Variants in NECAB2 observed in about 807,000 individuals in gnomAD.
The protein encoded by NECAB2 is N-terminal EF-hand calcium binding protein 2, also known as N-terminal EF-hand calcium-binding protein 2.
A neutral mutation model predicts 51.9 loss-of-function variants in NECAB2; 68 were observed. The observed-to-expected ratio is 1.31, with a 90% CI of 1.08 to 1.60. The LOEUF is 1.60. Ranked by LOEUF, NECAB2 falls within the 40% of genes most tolerant of loss-of-function variation. NECAB2 has a pLI of 0.00. For synonymous variants in NECAB2, 329 were observed against 203.5 expected (o/e 1.62, Z -5.25); for missense variants, 854 against 490.3 (o/e 1.74, Z -7.00).
At chr16:83,983,788 T>C (rs1007713818) in intron 5 of NECAB2, among the ~76,000 whole-genome samples, 1 of 152,156 alleles carries the variant, frequency 6.6e-6, no homozygotes, top group African/African-American at 2.4e-5. Flanking sequence ...GGAATGATTT[T>C]GTGAAGTGGT....
upstream of NECAB2, chr16:83,966,396 G>A (rs970504487): frequency 4.4e-6 from 1 of 229,116 alleles, no homozygotes; most frequent in Non-Finnish European, 8.5e-6. Flanking sequence ...GCACTGGGCT[G>A]GGGGGAAGGG....
chr16:83,973,917 G>T (rs890081101), intron 2 of NECAB2, among the ~76,000 whole-genome samples: 50 of 152,108 alleles, frequency 3.3e-4, no homozygotes, highest in African/African-American at 1.1e-3. Flanking sequence ...GGCTTCCTGA[G>T]TGTGCAGCTC....
At chr16:83,990,701 G>A (rs1468542897) in intron 6 of NECAB2, 71 bp downstream of exon 6, 1 of 1,576,226 alleles carries the variant, frequency 6.3e-7, no homozygotes, top group Non-Finnish European at 8.6e-7. Flanking sequence ...CCTGCTGCTT[G>A]GTGGGGATGT....
At chr16:84,001,518 G>C (rs2084835339) in intron 11 of NECAB2, among the ~76,000 whole-genome samples, 1 of 152,142 alleles carries the variant, frequency 6.6e-6, no homozygotes, top group South Asian at 2.1e-4. Context: ...GTGTTGTCAT[G>C]GGTCCCAGGC....
chr16:83,972,059 G>A, intron 1 of NECAB2, 92 bp from the exon 2 acceptor site: 2 of 1,559,156 alleles, frequency 1.3e-6, no homozygotes, highest in Non-Finnish European at 1.8e-6. Context: ...CTGCTCCTGG[G>A]AGAAGAGAAG....
intron 3 of NECAB2, among the ~76,000 whole-genome samples, chr16:83,979,869 T>C (rs1301685466): frequency 2.0e-5 from 3 of 152,184 alleles, no homozygotes; most frequent in Admixed American, 2.0e-4. Flanking sequence ...CCCCTTGGGA[T>C]GCTAAATAGA....
chr16:83,991,427 C>G (rs149816091), intron 6 of NECAB2, among the ~76,000 whole-genome samples: 10 of 138,418 alleles, frequency 7.2e-5, no homozygotes, highest in African/African-American at 2.9e-4. Context: ...AGTGCAGTGG[C>G]GAGATCTCAG....
chr16:84,000,956 C>T lies in NECAB2; in HGVS notation c.1040+155C>T, dbSNP rs531310411. Among the ~76,000 whole-genome samples, 152 of 123,996 alleles carry T rather than the reference C, an allele frequency of 1.2e-3. 4 individuals are homozygous for T. The South Asian group carries it at 0.033, about 27-fold the overall frequency. The allele number at this position is 123,996 out of a possible 152,430, so 81.3% of individuals were successfully genotyped here. A position where few individuals can be genotyped will look rare whatever the true frequency, so the allele number is the denominator to read the frequency against. On this transcript the variant is annotated intron_variant, in intron 11 of 12. Coordinates refer to ENST00000305202, the MANE Select transcript of NECAB2 (RefSeq NM_019065.3). The stretch of plus-strand genomic sequence containing the variant: ...CCGCTGGCATGCTTGCGTCAGTAAA[C>T]CCTGGTGGAGGCAGGAGCTCTTGGT...
rs752428596 is a variant in NECAB2 at position 84,000,748 on chromosome 16, T to A, written c.987T>A (p.Asp329Glu). The A allele has an allele frequency of 1.9e-6, 3 of 1,613,892 alleles. No individual in the cohort carries two copies. Among genetic ancestry groups the A allele is most frequent in the Admixed American group, 3.3e-5 (2 of 60,018 alleles). ...GCATCACTGCCGTGAGGCTCTCAGA[T>A]GGCTTCACCTTTGTCATCTATGAGT... ...CFHITAVRLS[D>E]GFTFVIYEFW... Residue 329 changes from aspartate to glutamate, a missense_variant, in exon 11 of 13, where the codon GAT becomes GAA. By Grantham distance (45) the Asp-to-Glu change is conservative. Coordinates refer to ENST00000305202, the MANE Select transcript of NECAB2 (RefSeq NM_019065.3).
At chr16:83,976,166 T>G (rs896071965) in intron 2 of NECAB2, among the ~76,000 whole-genome samples, 1 of 152,084 alleles carries the variant, frequency 6.6e-6, no homozygotes, top group South Asian at 2.1e-4. Flanking sequence ...GTCATGCCCA[T>G]GGTGACTGCC....
At chr16:83,997,972 C>G (rs1199412112) in intron 9 of NECAB2, among the ~76,000 whole-genome samples, 2 of 152,214 alleles carry the variant, frequency 1.3e-5, no homozygotes, top group Admixed American at 6.5e-5. Flanking sequence ...CCTCTGTAAA[C>G]AACCTCGTCT....
chr16:83,971,985 C>T (rs1409367713), intron 1 of NECAB2, 166 bp from the exon 2 acceptor site: 4 of 869,014 alleles, frequency 4.6e-6, no homozygotes, highest in Non-Finnish European at 7.0e-6. Context: ...CTCATCAGTT[C>T]CCCCTGGATC....
At chr16:83,975,352 A>G (rs887873793) in intron 2 of NECAB2, among the ~76,000 whole-genome samples, 2 of 151,882 alleles carry the variant, frequency 1.3e-5, no homozygotes, top group South Asian at 2.1e-4. Context: ...ACAGGTGTGC[A>G]GGGATGAGAA....
intron 9 of NECAB2, 64 bp from the exon 10 acceptor site, chr16:83,998,141 G>C (rs1388445462): frequency 1.4e-6 from 2 of 1,464,732 alleles, no homozygotes; most frequent in Non-Finnish European, 1.9e-6. Context: ...ATGGGGGCCT[G>C]ATGGGGTGTT....
At chr16:83,981,316 C>G (rs909853896) in intron 5 of NECAB2, among the ~76,000 whole-genome samples, 189 bp downstream of exon 5, 1 of 152,064 alleles carries the variant, frequency 6.6e-6, no homozygotes, top group African/African-American at 2.4e-5. Flanking sequence ...TGGTGAATGG[C>G]TCTGGTTGGG....
At chr16:83,965,635 C>G (rs762047929), upstream of NECAB2, 2 of 1,613,334 alleles carry the variant, frequency 1.2e-6, no homozygotes, top group Non-Finnish European at 1.7e-6. Flanking sequence ...CGCCCAGCCC[C>G]TATGAGGGTT....
At chr16:83,980,781 C>G (rs1041405227) in intron 3 of NECAB2, 58 bp from the exon 4 acceptor site, 6 of 1,540,186 alleles carry the variant, frequency 3.9e-6, no homozygotes, top group Non-Finnish European at 5.3e-6. Context: ...TGTGCAGGGT[C>G]AGGCCTGCTA....
At chr16:83,995,991 G>T (rs2084692957) in intron 8 of NECAB2, among the ~76,000 whole-genome samples, 1 of 152,238 alleles carries the variant, frequency 6.6e-6, no homozygotes, top group African/African-American at 2.4e-5. Flanking sequence ...GAGTACCTGG[G>T]CGTCCTGGAG....
rs775576009 is a variant in NECAB2 at position 83,978,518 on chromosome 16, G to A, written c.301G>A (p.Asp101Asn). ...DGVLNEKELE[D>N]LFHTIDSDNT... Reference sequence around the variant, plus strand: ...CGTCCTTAATGAGAAAGAACTGGAGGATCTCTTTCACACGATTGACTCTGA... The same window carrying A: ...CGTCCTTAATGAGAAAGAACTGGAGAATCTCTTTCACACGATTGACTCTGA... Residue 101 changes from aspartate (D) to asparagine (N), a missense_variant, in exon 3 of 13, where the codon GAT (aspartate) becomes AAT (asparagine). Physicochemically the swap from Asp to Asn is conservative, Grantham distance 23. Transcript: ENST00000305202. 6 of 1,613,690 alleles carry A rather than the reference G, an allele frequency of 3.7e-6. No homozygotes were observed. The South Asian group carries it at 5.5e-5, about 15-fold the overall frequency.
Sources: gnomAD v4.1 joint callset for allele counts (sites outside exome capture counted in the v4.1 genomes callset) on GRCh38, gnomAD v4.1.1 for gene constraint, MANE v1.5 for transcripts, NCBI Gene and HGNC (gene_info 2026-07-23, HGNC 2026-07-21) for gene names.